ELOC: variants seen among roughly 807,000 people sequenced by gnomAD.
ELOC encodes elongin-C.
For synonymous variants in ELOC, 40 were observed against 51.3 expected (o/e 0.78, Z 0.94); for missense variants, 38 against 139.0 (o/e 0.27, Z 3.65).
intron 3 of ELOC, among the ~76,000 whole-genome samples, chr8:73,950,901 T>A (rs958845269): frequency 6.6e-5 from 10 of 152,232 alleles, no homozygotes; most frequent in African/African-American, 1.9e-4. Flanking sequence ...ATTGCAGATT[T>A]TCCAAGTGAA....
chr8:73,959,734 T>C (rs1197181459), intron 2 of ELOC, 31 bp downstream of exon 2: 1 of 1,533,498 alleles, frequency 6.5e-7, no homozygotes, highest in Non-Finnish European at 8.8e-7. Context: ...TTCTACTAGT[T>C]AAAACACAAA....
At chr8:73,956,379 C>A (rs1253055459) in intron 2 of ELOC, among the ~76,000 whole-genome samples, 2 of 151,610 alleles carry the variant, frequency 1.3e-5, no homozygotes, top group Non-Finnish European at 2.9e-5. Flanking sequence ...AGCAAAGCTC[C>A]ATCTCAAAAA....
At chr8:73,956,638 G>T (rs1420379350) in intron 2 of ELOC, among the ~76,000 whole-genome samples, 1 of 140,006 alleles carries the variant, frequency 7.1e-6, no homozygotes, top group African/African-American at 2.9e-5. Flanking sequence ...AACCAAAGCA[G>T]CCCATTCAAA....
At chr8:73,952,128 G>A (rs982096844) in intron 3 of ELOC, among the ~76,000 whole-genome samples, 12 of 152,230 alleles carry the variant, frequency 7.9e-5, no homozygotes, top group Non-Finnish European at 1.5e-4. Flanking sequence ...AAAAACCAAA[G>A]GAAAAATAAA....
intron 1 of ELOC, among the ~76,000 whole-genome samples, chr8:73,968,741 T>C (rs760731921): frequency 8.5e-5 from 13 of 152,254 alleles, no homozygotes; most frequent in Non-Finnish European, 1.6e-4. Flanking sequence ...GACTCTGCTA[T>C]GGCCATTATT....
At chr8:73,972,259 A>T (rs567358129), upstream of ELOC, 3 of 152,474 alleles carry the variant, frequency 2.0e-5, no homozygotes, top group Non-Finnish European at 2.9e-5. Flanking sequence ...TGAGGCGAGG[A>T]CGCAGAGTGT....
intron 2 of ELOC, among the ~76,000 whole-genome samples, chr8:73,958,195 G>A (rs1268493446): frequency 6.6e-6 from 1 of 151,020 alleles, no homozygotes; most frequent in Non-Finnish European, 1.5e-5. Flanking sequence ...TCCTGGGTTC[G>A]AGATCCTTTG....
At chr8:73,949,968 C>A (rs1484041345) in intron 3 of ELOC, among the ~76,000 whole-genome samples, 1 of 152,058 alleles carries the variant, frequency 6.6e-6, no homozygotes, top group African/African-American at 2.4e-5. Context: ...AGCAATTCAT[C>A]AGATTCATCA....
intron 1 of ELOC, chr8:73,971,744 G>C (rs978811361): frequency 9.2e-5 from 14 of 152,162 alleles, no homozygotes; most frequent in Non-Finnish European, 1.8e-4. Flanking sequence ...GAGCGGACAC[G>C]AGGAACAAGC....
intron 1 of ELOC, among the ~76,000 whole-genome samples, chr8:73,971,201 T>C (rs1489311701): frequency 1.3e-5 from 2 of 151,720 alleles, no homozygotes; most frequent in Non-Finnish European, 2.9e-5. Context: ...AGGTCAGGAG[T>C]TCCAGACCAG....
intron 3 of ELOC, 25 bp from the exon 4 acceptor site, chr8:73,946,845 GTTATTGGCTGAA>G: frequency 1.3e-6 from 2 of 1,589,382 alleles, no homozygotes; most frequent in Non-Finnish European, 1.7e-6. Context: ...AATTATGTAT[GTTATTGGCTGAA>G]TTGTGTCCTC....
chr8:73,965,053 A>G (rs932011938), intron 1 of ELOC, among the ~76,000 whole-genome samples: 8 of 148,732 alleles, frequency 5.4e-5, no homozygotes, highest in Admixed American at 2.0e-4. Context: ...AAAAAAAAAA[A>G]CTCTCAAAAA....
intron 2 of ELOC, among the ~76,000 whole-genome samples, chr8:73,956,788 C>G (rs1313535112): frequency 6.6e-6 from 1 of 152,122 alleles, no homozygotes; most frequent in Non-Finnish European, 1.5e-5. Context: ...TTGACAAGTC[C>G]TAAGTTCTAA....
chr8:73,959,063 TA>T (rs549157250), intron 2 of ELOC, among the ~76,000 whole-genome samples: 5 of 152,154 alleles, frequency 3.3e-5, no homozygotes, highest in Admixed American at 2.6e-4. Flanking sequence ...AAATATAGCA[TA>T]AAAGAGTTAA....
chr8:73,951,647 C>CACAACA (rs71269967), intron 3 of ELOC, among the ~76,000 whole-genome samples: 36,486 of 149,758 alleles, frequency 0.24, 4,484 homozygotes, highest in East Asian at 0.34. Context: ...CAAAAAACCC[C>CACAACA]ACAACAACAA....
At chr8:73,969,436 C>T (rs1302866694) in intron 1 of ELOC, 3 of 152,238 alleles carry the variant, frequency 2.0e-5, no homozygotes, top group African/African-American at 7.2e-5. Context: ...CATGTCTCAA[C>T]TGGACATTTG....
chr8:73,964,726 G>A (rs964856079), intron 1 of ELOC: 1 of 152,070 alleles, frequency 6.6e-6, no homozygotes, highest in Non-Finnish European at 1.5e-5. Flanking sequence ...CAAAACTTCT[G>A]TTCATCAAAT....
intron 3 of ELOC, 60 bp from the exon 4 acceptor site, chr8:73,946,880 T>TTGAA (rs1813412466): frequency 1.4e-6 from 2 of 1,463,816 alleles, no homozygotes; most frequent in Non-Finnish European, 1.9e-6. Context: ...AATTCATATG[T>TTGAA]TGAAGTCTTA....
rs148028516 is a variant in ELOC, at chr8:73,952,403, T to C, written c.148+3508A>G. 2.0e-3 allele frequency among the ~76,000 whole-genome samples: 281 copies of C among 143,092 alleles called. 7 individuals are homozygous for C. The East Asian group carries it at 0.046, about 24-fold the overall frequency. The allele number at this position is 143,092 out of a possible 152,430, so 93.9% of individuals were successfully genotyped here. ...GCCTGGGTGACACAGCAAGACGCTGTCTCAAAATAAATAAATATATTAATT... is the reference window on the plus strand; with the variant it reads ...GCCTGGGTGACACAGCAAGACGCTGCCTCAAAATAAATAAATATATTAATT... On this transcript the variant is annotated intron_variant, in intron 3 of 3. Transcript: ENST00000520242.
Sources: gnomAD v4.1 joint callset for allele counts (sites outside exome capture counted in the v4.1 genomes callset) on GRCh38, gnomAD v4.1.1 for gene constraint, MANE v1.5 for transcripts, NCBI Gene and HGNC (gene_info 2026-07-23, HGNC 2026-07-21) for gene names.